HBP1: variants seen among roughly 807,000 people sequenced by gnomAD.
The protein encoded by HBP1 is HMG-box transcription factor 1.
HBP1 carries 20 observed loss-of-function variants against 62.6 expected under a neutral mutation model. The observed-to-expected ratio is 0.32, with a 90% CI of 0.22 to 0.46. HBP1 has a LOEUF of 0.46. Ranked by LOEUF, HBP1 falls within the 20% of genes least tolerant of loss-of-function variation. The probability of loss-of-function intolerance (pLI) is 1.00; values close to 1 mark genes in which losing one functional copy is unlikely to be tolerated. For synonymous variants in HBP1, 232 were observed against 206.2 expected, an observed-to-expected ratio of 1.12 and a Z score of -1.07; for missense variants, 480 against 611.8, an observed-to-expected ratio of 0.78 and a Z score of 2.27.
At position 107,201,545 on chromosome 7, in the gene HBP1, A is replaced by G; in HGVS notation, c.*114A>G. The G allele has an allele frequency of 1.7e-6, 1 of 599,644 alleles. No homozygotes were observed. Among genetic ancestry groups the G allele is most frequent in the Non-Finnish European group, 3.1e-6 (1 of 326,918 alleles). The allele number at this position is 599,644 out of a possible 1,614,324, so 37.1% of individuals were successfully genotyped here. On this transcript the variant is annotated 3_prime_UTR_variant, in exon 11 of 11. Transcript: ENST00000222574. ...TCCTCAATTCGTGTGACCATAAGAT[A>G]CTGATAGCATTGAGTCTTGAAATGA...
chr7:107,182,992 C>T (rs1797181412), intron 3 of HBP1, among the ~76,000 whole-genome samples: 1 of 152,084 alleles, frequency 6.6e-6, no homozygotes, highest in Non-Finnish European at 1.5e-5. Flanking sequence ...TTTATTTCTT[C>T]CATAGTTTAT....
chr7:107,169,623 G>T, intron 1 of HBP1: 1 of 444,248 alleles, frequency 2.3e-6, no homozygotes, highest in Non-Finnish European at 3.0e-6. Flanking sequence ...GGAGGTGGGG[G>T]ACCCCAGTGA....
In HBP1 at chr7:107,182,453, C is replaced by A. The variant is rs949778025; in HGVS notation, c.250C>A (p.Gln84Lys). The change falls in exon 3 of 11, where the codon CAA becomes AAA. Residue 84 changes from glutamine to lysine, a missense_variant. Physicochemically the swap from Gln to Lys is moderately conservative, Grantham distance 53. Transcript: ENST00000222574. ...MYQLSSDVSH[Q>K]EYPRSSWNQN... ...CCAGCTGAGTTCAGATGTTTCACAT[C>A]AAGAATACCCAAGATCATCTTGGAA... 15 of 1,612,726 alleles carry A rather than the reference C, an allele frequency of 9.3e-6. No individual in the cohort carries two copies. Among genetic ancestry groups the A allele is most frequent in the Non-Finnish European group, 1.3e-5 (15 of 1,178,862 alleles).
At chr7:107,169,900 AGAG>A in intron 1 of HBP1, 1 of 985,534 alleles carries the variant, frequency 1.0e-6, no homozygotes, top group Non-Finnish European at 1.2e-6. Flanking sequence ...TGTGACCCAA[AGAG>A]GAGGCTTGGC....
chr7:107,185,704 A>G (rs1797318726), intron 3 of HBP1, 97 bp from the exon 4 acceptor site: 1 of 877,768 alleles, frequency 1.1e-6, no homozygotes. Flanking sequence ...TGTTCAATGT[A>G]ATAACATTGG....
chr7:107,169,470 G>GT (rs1399146407), intron 1 of HBP1, among the ~76,000 whole-genome samples: 1 of 149,180 alleles, frequency 6.7e-6, no homozygotes, highest in Non-Finnish European at 1.5e-5. Context: ...CGCGCGGTGG[G>GT]TGGCCGGGCC....
chr7:107,182,844 A>C (rs1388327955), intron 3 of HBP1, among the ~76,000 whole-genome samples: 1 of 152,234 alleles, frequency 6.6e-6, no homozygotes, highest in Non-Finnish European at 1.5e-5. Context: ...TGTTTAAAAT[A>C]AATTAGACCA....
intron 8 of HBP1, chr7:107,192,545 A>T (rs535413395): frequency 6.6e-6 from 1 of 152,108 alleles, no homozygotes; most frequent in African/African-American, 2.4e-5. Flanking sequence ...TGGAAATATT[A>T]TTCTTAATTT....
At position 107,186,535 on chromosome 7, in the gene HBP1, C is replaced by T. The variant is rs536421487; in HGVS notation, c.653-34C>T. ...ACAGCTTACTTGTCTAGTACAGTCACGTGTCTAATACGTGTTTTCTACCTA... is the reference window on the plus strand; with the variant it reads ...ACAGCTTACTTGTCTAGTACAGTCATGTGTCTAATACGTGTTTTCTACCTA... On this transcript the variant is annotated intron_variant, in intron 5 of 10. Transcript: ENST00000222574. The T allele has an allele frequency of 5.2e-5, 80 of 1,549,802 alleles. 3 individuals carry two copies. The South Asian group carries it at 6.5e-4, about 13-fold the overall frequency.
At chr7:107,201,386 T>G (rs746675115) in intron 10 of HBP1, 28 bp from the exon 11 acceptor site, 5 of 1,472,998 alleles carry the variant, frequency 3.4e-6, no homozygotes, top group Non-Finnish European at 4.7e-6. Flanking sequence ...TTTGTAAACA[T>G]TCACTGAGTT....
Position 107,185,897 on chromosome 7 carries a change from C to A in HBP1, c.495C>A (p.Phe165Leu). Residue 165 changes from phenylalanine to leucine, a missense_variant, in exon 4 of 11, where the codon TTC (phenylalanine) becomes TTA (leucine). Coordinates refer to ENST00000222574, the MANE Select transcript of HBP1 (RefSeq NM_012257.4). ...VSSSSKSEPA[F>L]PHHHWKEETP... is the part of the protein sequence containing the mutation. ...CTTCTTCGAAGAGTGAACCAGCCTT[C>A]CCTCATCACCATTGGAAGGAGGAAA... The A allele has an allele frequency of 6.2e-7, 1 of 1,612,854 alleles. No homozygotes were observed.
chr7:107,183,312 G>A (rs1797197971), intron 3 of HBP1, among the ~76,000 whole-genome samples: 1 of 152,184 alleles, frequency 6.6e-6, no homozygotes, highest in Non-Finnish European at 1.5e-5. Context: ...TTTTATACTA[G>A]GTAATGTAGG....
intron 1 of HBP1, among the ~76,000 whole-genome samples, chr7:107,171,069 A>ATTTTTTTTTTTTTTTTT (rs1292839546): frequency 2.8e-5 from 2 of 72,376 alleles, no homozygotes; most frequent in Middle Eastern, 8.5e-3. Context: ...ATATATATAT[A>ATTTTTTTTTTTTTTTTT]TATATTTTTT....
rs2116058451 is a variant in HBP1 at position 107,202,091 on chromosome 7, A to G, written c.*660A>G. On this transcript the variant is annotated 3_prime_UTR_variant, in exon 11 of 11. Coordinates refer to ENST00000222574, the MANE Select transcript of HBP1 (RefSeq NM_012257.4). ...CCGTTATTATTTCCAATGGAGACCT[A>G]GCCCAGGCCAAGGTAAAGTTAGTTA... 1 of 152,830 alleles carries G rather than the reference A, an allele frequency of 6.5e-6. No individual in the cohort carries two copies. The highest frequency in any genetic ancestry group is 1.5e-5 in the Non-Finnish European group (1 of 68,042). The allele number at this position is 152,830 out of a possible 1,614,324, so 9.5% of individuals were successfully genotyped here.
chr7:107,197,055 C>T (rs1245442544), intron 9 of HBP1: 1 of 152,168 alleles, frequency 6.6e-6, no homozygotes, highest in Admixed American at 6.5e-5. Flanking sequence ...CCAGAGTTGT[C>T]AAAACGGTGA....
At chr7:107,187,156 G>T (rs1348462430) in intron 6 of HBP1, among the ~76,000 whole-genome samples, 1 of 152,122 alleles carries the variant, frequency 6.6e-6, no homozygotes, top group Admixed American at 6.5e-5. Context: ...GGGAGGCTGA[G>T]GCAGGAGAAT....
chr7:107,198,626 A>G (rs1264290219), intron 9 of HBP1, among the ~76,000 whole-genome samples: 1 of 152,218 alleles, frequency 6.6e-6, no homozygotes, highest in Non-Finnish European at 1.5e-5. Context: ...GGGATAAATC[A>G]TAATTTTGAA....
chr7:107,178,234 C>A (rs1192066137), intron 1 of HBP1, among the ~76,000 whole-genome samples: 2 of 152,094 alleles, frequency 1.3e-5, no homozygotes. Context: ...GATTCCAACG[C>A]ATAGGCTGAA....
chr7:107,189,645 T>C (rs988990935), intron 7 of HBP1, among the ~76,000 whole-genome samples, 197 bp downstream of exon 7: 14 of 152,214 alleles, frequency 9.2e-5, no homozygotes. Context: ...TGGAACTTTA[T>C]TTCCTGTATG....
Sources: allele counts gnomAD v4.1 joint callset (sites outside exome capture counted in the v4.1 genomes callset), GRCh38; gene constraint gnomAD v4.1.1; transcripts MANE v1.5; gene names NCBI Gene and HGNC (gene_info 2026-07-23, HGNC 2026-07-21).